Variants in NR2C2 observed in about 807,000 individuals in gnomAD.
NR2C2 encodes nuclear receptor subfamily 2 group C member 2.
NR2C2 carries 6 observed loss-of-function variants against 62.9 expected under a neutral mutation model. That is an observed-to-expected ratio of 0.10 (90% CI 0.05 to 0.19). The LOEUF is 0.19. Ranked by LOEUF, NR2C2 falls within the 10% of genes least tolerant of loss-of-function variation. The pLI is 1.00. For synonymous variants in NR2C2, 272 were observed against 273.8 expected (o/e 0.99, Z 0.07); for missense variants, 479 against 762.7 (o/e 0.63, Z 4.38).
chr3:15,017,618 C>T (rs927754653), intron 4 of NR2C2, among the ~76,000 whole-genome samples: 9 of 152,194 alleles, frequency 5.9e-5, no homozygotes, highest in Non-Finnish European at 1.3e-4. Context: ...GGCCTAGTCA[C>T]AGGCTCTTGG....
At chr3:14,989,128 G>A (rs2040593634) in intron 1 of NR2C2, among the ~76,000 whole-genome samples, 1 of 152,166 alleles carries the variant, frequency 6.6e-6, no homozygotes, top group Non-Finnish European at 1.5e-5. Context: ...CTGCCTTAGT[G>A]GCAGGTGCTC....
At chr3:14,960,932 AAAAAGACC>A (rs2039672204) in intron 1 of NR2C2, among the ~76,000 whole-genome samples, 1 of 152,124 alleles carries the variant, frequency 6.6e-6, no homozygotes, top group South Asian at 2.1e-4. Flanking sequence ...ATAGCAAGAA[AAAAAGACC>A]AAAAGGTATC....
chr3:15,032,343 C>A, intron 9 of NR2C2, 36 bp from the exon 10 acceptor site: 1 of 1,614,104 alleles, frequency 6.2e-7, no homozygotes, highest in Non-Finnish European at 8.5e-7. Flanking sequence ...CCTGTCCTTC[C>A]TTCACCTCCT....
At chr3:15,034,546 C>T in intron 10 of NR2C2, 124 bp from the exon 11 acceptor site, 1 of 880,878 alleles carries the variant, frequency 1.1e-6, no homozygotes, top group Non-Finnish European at 1.7e-6. Flanking sequence ...TCCTGGATAG[C>T]ACTTCAATAA....
chr3:14,961,519 A>G (rs1380206622), intron 1 of NR2C2, among the ~76,000 whole-genome samples: 4 of 152,196 alleles, frequency 2.6e-5, no homozygotes, highest in Non-Finnish European at 5.9e-5. Flanking sequence ...TATACAGTCA[A>G]TAGTGAATGT....
chr3:14,996,555 T>G (rs912676859), intron 1 of NR2C2, among the ~76,000 whole-genome samples: 6 of 152,190 alleles, frequency 3.9e-5, no homozygotes, highest in African/African-American at 1.4e-4. Flanking sequence ...AGTTTCACGT[T>G]TTAGCTATTA....
At chr3:14,955,905 C>T (rs921938838) in intron 1 of NR2C2, among the ~76,000 whole-genome samples, 4 of 152,182 alleles carry the variant, frequency 2.6e-5, no homozygotes, top group Non-Finnish European at 2.9e-5. Flanking sequence ...GTAAGAACTT[C>T]ATTTATGTGA....
intron 3 of NR2C2, among the ~76,000 whole-genome samples, chr3:15,014,119 G>GGT (rs2041433236): frequency 6.6e-6 from 1 of 152,174 alleles, no homozygotes; most frequent in African/African-American, 2.4e-5. Flanking sequence ...ATATTTTAAA[G>GGT]GTACCACCTA....
chr3:15,042,878 G>C lies in NR2C2; in HGVS notation c.1661G>C (p.Ser554Thr), dbSNP rs1477134624. The change falls in exon 14 of 14, where the codon AGC becomes ACC. Residue 554 changes from serine to threonine, a missense_variant. Physicochemically the swap from Ser to Thr is moderately conservative, Grantham distance 58. Coordinates refer to ENST00000425241, the MANE Select transcript of NR2C2 (RefSeq NM_001291694.2). Reference protein sequence around the residue: ...LVRLPALRLMSSNITEELFFT... With the variant: ...LVRLPALRLMTSNITEELFFT... ...CGCCTGCCGGCACTCAGGCTGATGA[G>C]CTCCAACATAACAGAAGAACTTTTT... The C allele has an allele frequency of 1.2e-6, 2 of 1,614,020 alleles. No individual in the cohort carries two copies. Among genetic ancestry groups the C allele is most frequent in the Non-Finnish European group, 1.7e-6 (2 of 1,180,028 alleles).
intron 11 of NR2C2, among the ~76,000 whole-genome samples, chr3:15,037,711 A>C (rs1229520421): frequency 3.3e-5 from 5 of 152,230 alleles, no homozygotes; most frequent in Admixed American, 2.6e-4. Context: ...GGTACACAAT[A>C]AAAGAAATTC....
Position 15,038,093 on chromosome 3 carries a change from G to A in NR2C2, c.1466G>A (p.Gly489Asp). ...CNSMAKLDID[G>D]YEYAYLKAIV... ...AGCATGGCGAAGCTGGATATAGATG[G>A]CTATGAGTATGCATACCTTAAAGCT... Residue 489 changes from glycine to aspartate, a missense_variant, in exon 12 of 14, where the codon GGC becomes GAC. Transcript: ENST00000425241. 1.2e-6 allele frequency: 2 copies of A among 1,614,090 alleles called. No individual in the cohort carries two copies. The highest frequency in any genetic ancestry group is 1.7e-6 in the Non-Finnish European group (2 of 1,179,994).
At chr3:15,031,929 A>G (rs2041991058) in intron 9 of NR2C2, among the ~76,000 whole-genome samples, 1 of 151,950 alleles carries the variant, frequency 6.6e-6, no homozygotes, top group African/African-American at 2.4e-5. Context: ...GGGTTTCATT[A>G]TGTTGCCCAG....
intron 1 of NR2C2, among the ~76,000 whole-genome samples, chr3:14,950,863 C>T (rs909337166): frequency 1.3e-5 from 2 of 152,168 alleles, no homozygotes; most frequent in Non-Finnish European, 2.9e-5. Context: ...TTTGTGTGAG[C>T]CTCTTTGGCA....
chr3:15,026,076 T>TGGTATG (rs960923625), intron 7 of NR2C2: 1 of 152,254 alleles, frequency 6.6e-6, no homozygotes, highest in East Asian at 1.9e-4. Flanking sequence ...TGGAGTACAG[T>TGGTATG]GGTATGATCT....
At chr3:14,990,806 C>T (rs1271059780) in intron 1 of NR2C2, among the ~76,000 whole-genome samples, 1 of 152,218 alleles carries the variant, frequency 6.6e-6, no homozygotes, top group African/African-American at 2.4e-5. Flanking sequence ...ATTTTTACAG[C>T]AGTTAGTATA....
At chr3:15,008,978 T>C (rs565876680) in intron 2 of NR2C2, among the ~76,000 whole-genome samples, 1 of 152,200 alleles carries the variant, frequency 6.6e-6, no homozygotes, top group Non-Finnish European at 1.5e-5. Flanking sequence ...CCCAGCACTT[T>C]GGGAGGCCGA....
intron 5 of NR2C2, among the ~76,000 whole-genome samples, chr3:15,022,745 G>C (rs1248365504): frequency 6.6e-6 from 1 of 152,160 alleles, no homozygotes; most frequent in Non-Finnish European, 1.5e-5. Flanking sequence ...GTAAAAACCA[G>C]CTGGGCACGG....
chr3:15,028,843 T>A (rs1410157257), intron 8 of NR2C2, 124 bp downstream of exon 8: 3 of 1,046,512 alleles, frequency 2.9e-6, no homozygotes, highest in Non-Finnish European at 4.1e-6. Flanking sequence ...ATTGTTACAA[T>A]GACCCTGCTC....
intron 1 of NR2C2, among the ~76,000 whole-genome samples, chr3:14,965,381 G>A (rs754518320): frequency 6.6e-6 from 1 of 151,836 alleles, no homozygotes; most frequent in Non-Finnish European, 1.5e-5. Flanking sequence ...AATTCTTTAG[G>A]AAAGAGGTTA....
Sources: allele counts gnomAD v4.1 joint callset (sites outside exome capture counted in the v4.1 genomes callset), GRCh38; gene constraint gnomAD v4.1.1; transcripts MANE v1.5; gene names NCBI Gene and HGNC (gene_info 2026-07-23, HGNC 2026-07-21).